RPS6KA2: variants seen among roughly 807,000 people sequenced by gnomAD.
The protein encoded by RPS6KA2 is ribosomal protein S6 kinase alpha-2.
RPS6KA2 carries 42 observed loss-of-function variants against 91.8 expected under a neutral mutation model. The ratio of observed to expected loss-of-function variants is 0.46; its 90% CI spans 0.36 to 0.59. RPS6KA2 has a LOEUF of 0.59. RPS6KA2 is among the 20% of genes least tolerant of loss of function. The pLI is 0.00. For missense variants in RPS6KA2, 798 were observed against 978.5 expected (o/e 0.82, Z 2.46); for synonymous variants, 414 against 393.6 (o/e 1.05, Z -0.61).
Position 166,510,374 on chromosome 6 carries a change from T to C in RPS6KA2, c.299-17A>G. ...GGTCCCGAACTGCAAAGTAAAAAGATAAAGGCTTTCATGAGGCAGGAAATA... is the reference window on the plus strand; with the variant it reads ...GGTCCCGAACTGCAAAGTAAAAAGACAAAGGCTTTCATGAGGCAGGAAATA... On this transcript the variant is annotated splice_polypyrimidine_tract_variant and intron_variant, in intron 3 of 20. Transcript: ENST00000265678. 2 of 1,545,542 alleles carry C rather than the reference T, an allele frequency of 1.3e-6. No individual in the cohort carries two copies. The highest frequency in any genetic ancestry group is 1.8e-6 in the Non-Finnish European group (2 of 1,131,218).
chr6:166,746,622 C>T (rs1791021614), intron 2 of RPS6KA2, among the ~76,000 whole-genome samples: 1 of 152,240 alleles, frequency 6.6e-6, no homozygotes, highest in Admixed American at 6.5e-5. Context: ...CTACCCCTCA[C>T]TTCAGATGCC....
intron 2 of RPS6KA2, among the ~76,000 whole-genome samples, chr6:166,765,541 G>A (rs1007635780): frequency 3.3e-5 from 5 of 152,156 alleles, no homozygotes; most frequent in Non-Finnish European, 4.4e-5. Context: ...ACAAGAAAAC[G>A]ACTTTGTTTA....
chr6:166,745,090 G>A (rs1790950682), intron 2 of RPS6KA2, among the ~76,000 whole-genome samples: 1 of 151,440 alleles, frequency 6.6e-6, no homozygotes, highest in African/African-American at 2.4e-5. Flanking sequence ...TGGAGACAGT[G>A]TCCTTCCCCC....
In RPS6KA2 at chr6:166,495,203, G is replaced by T; in HGVS notation, c.747+3305C>A. Among the ~76,000 whole-genome samples, 1 of 152,208 alleles carries T rather than the reference G, an allele frequency of 6.6e-6. No individual in the cohort carries two copies. The highest frequency in any genetic ancestry group is 1.9e-4 in the East Asian group (1 of 5,196). On this transcript the variant is annotated intron_variant, in intron 8 of 20. Transcript: ENST00000265678. The surrounding 1 kb of genome is among the most constrained non-coding windows in gnomAD (Gnocchi z 4.4). ...AGAAAGAATACCGTCTTTCCTGCCC[G>T]GCTTGGAGATTGTTGGGTTGAGATC...
chr6:166,581,181 G>A (rs1188335729), intron 1 of RPS6KA2, among the ~76,000 whole-genome samples: 1 of 152,202 alleles, frequency 6.6e-6, no homozygotes, highest in Non-Finnish European at 1.5e-5. Context: ...TTGAGCCACT[G>A]TGTCTGGCCA....
rs1299187223 is a variant in RPS6KA2 at position 166,626,456 on chromosome 6, A to G, written c.99+465T>C. ...GACTTCAAGTGCACGAATGAGCTAC[A>G]AGATAAGGTGGAACCTGCCGGCCGG... On this transcript the variant is annotated intron_variant, in intron 1 of 20. Coordinates refer to ENST00000265678, the MANE Select transcript of RPS6KA2 (RefSeq NM_021135.6). This position sits in a 1 kb window ranked among gnomAD's most constrained non-coding sequence, Gnocchi z 4.1. 2.6e-5 allele frequency among the ~76,000 whole-genome samples: 4 copies of G among 152,352 alleles called. No individual in the cohort carries two copies. In the East Asian group the frequency reaches 7.7e-4, roughly 29 times the overall value.
intron 2 of RPS6KA2, among the ~76,000 whole-genome samples, chr6:166,658,244 G>A (rs1322855547): frequency 1.3e-5 from 2 of 152,154 alleles, no homozygotes; most frequent in Non-Finnish European, 2.9e-5. Context: ...TGGCCTCGGT[G>A]AGGAAGCAGG....
At chr6:166,499,169 T>G (rs1405409320) in intron 7 of RPS6KA2, among the ~76,000 whole-genome samples, 1 of 152,116 alleles carries the variant, frequency 6.6e-6, no homozygotes, top group East Asian at 1.9e-4. Context: ...GAGGCCGAGC[T>G]ATGATGGAAG....
intron 2 of RPS6KA2, among the ~76,000 whole-genome samples, chr6:166,633,513 G>C (rs79149750): frequency 4.6e-5 from 7 of 152,172 alleles, no homozygotes; most frequent in African/African-American, 1.7e-4. Flanking sequence ...AAATCTTCTC[G>C]TTGAGCTGAG....
chr6:166,678,101 G>C (rs1223559489), intron 2 of RPS6KA2, among the ~76,000 whole-genome samples: 1 of 152,312 alleles, frequency 6.6e-6, no homozygotes, highest in South Asian at 2.1e-4. Flanking sequence ...ATCCACACCT[G>C]TGCTGTGTTC....
chr6:166,504,762 G>T, intron 5 of RPS6KA2, 150 bp from the exon 6 acceptor site: 1 of 578,784 alleles, frequency 1.7e-6, no homozygotes, highest in Non-Finnish European at 3.0e-6. Context: ...GTGGTCTTCT[G>T]ACTCTTCTCA....
At chr6:166,498,858 C>T (rs997198142) in intron 7 of RPS6KA2, among the ~76,000 whole-genome samples, 6 of 152,230 alleles carry the variant, frequency 3.9e-5, no homozygotes, top group Non-Finnish European at 8.8e-5. Context: ...CCGAAATCCT[C>T]AAAGCGTGAG....
chr6:166,834,453 G>A (rs1780267985), intron 2 of RPS6KA2, among the ~76,000 whole-genome samples: 1 of 152,224 alleles, frequency 6.6e-6, no homozygotes, highest in East Asian at 1.9e-4. Flanking sequence ...ACAGACGTTG[G>A]GGTGTATCAG....
intron 16 of RPS6KA2, among the ~76,000 whole-genome samples, chr6:166,429,228 T>C (rs957226490): frequency 3.6e-5 from 5 of 137,522 alleles, no homozygotes; most frequent in Non-Finnish European, 7.5e-5. Context: ...TACGTGGGAA[T>C]TGAACAATGA....
chr6:166,710,936 T>TAG (rs1789827369), intron 2 of RPS6KA2, among the ~76,000 whole-genome samples: 1 of 152,160 alleles, frequency 6.6e-6, no homozygotes, highest in African/African-American at 2.4e-5. Flanking sequence ...AGAAAACTCT[T>TAG]AGATGATAAC....
At chr6:166,488,490 T>C (rs1425593176) in intron 10 of RPS6KA2, among the ~76,000 whole-genome samples, 1 of 152,234 alleles carries the variant, frequency 6.6e-6, no homozygotes, top group Non-Finnish European at 1.5e-5. Context: ...AGAATTAAAT[T>C]AGAAGCAGCT....
chr6:166,723,089 A>G (rs1298035487), intron 2 of RPS6KA2, among the ~76,000 whole-genome samples: 1 of 152,216 alleles, frequency 6.6e-6, no homozygotes, highest in African/African-American at 2.4e-5. Flanking sequence ...GTAAGGCCCA[A>G]GTAAAGTTGT....
In RPS6KA2 at chr6:166,825,131, A is replaced by G. The variant is rs1453128268; in HGVS notation, c.123+33069T>C. On this transcript the variant is annotated intron_variant, in intron 2 of 21. Transcript: ENST00000503859. The surrounding 1 kb of genome is among the most constrained non-coding windows in gnomAD (Gnocchi z 4.1). The stretch of plus-strand genomic sequence containing the variant: ...AAACCCTTTTACAAATGTCGCTTTC[A>G]TGATCAGGAATCCATTTCAAAGCCA... Among the ~76,000 whole-genome samples, 1 of 152,224 alleles carries G rather than the reference A, an allele frequency of 6.6e-6. No homozygotes were observed. Among genetic ancestry groups the G allele is most frequent in the Non-Finnish European group, 1.5e-5 (1 of 68,032 alleles).
chr6:166,789,034 C>G (rs1001260062), intron 2 of RPS6KA2, among the ~76,000 whole-genome samples: 1 of 152,060 alleles, frequency 6.6e-6, no homozygotes, highest in Admixed American at 6.6e-5. Context: ...TGCAGCATAC[C>G]GTGCGCGAGC....
Sources: allele counts gnomAD v4.1 joint callset (sites outside exome capture counted in the v4.1 genomes callset), GRCh38; gene constraint gnomAD v4.1.1; non-coding constraint Gnocchi (gnomAD v3.1); transcripts MANE v1.5; gene names NCBI Gene and HGNC (gene_info 2026-07-23, HGNC 2026-07-21).